TCF4: variants seen among roughly 807,000 people sequenced by gnomAD.
TCF4 encodes transcription factor 4.
Under a neutral mutation model 82.1 loss-of-function variants are expected in TCF4, and 3 were observed. The observed-to-expected ratio is 0.04, with a 90% CI of 0.02 to 0.09. TCF4 has a LOEUF of 0.09. TCF4 is among the 10% of genes least tolerant of loss of function. TCF4 has a pLI of 1.00. For missense variants in TCF4, 518 were observed against 852.7 expected (o/e 0.61, Z 4.89); for synonymous variants, 276 against 309.6 (o/e 0.89, Z 1.14).
chr18:55,623,069 C>G (rs978278839), intron 2 of TCF4, among the ~76,000 whole-genome samples: 2 of 152,108 alleles, frequency 1.3e-5, no homozygotes, highest in Non-Finnish European at 2.9e-5. Context: ...ATTTAAGTGA[C>G]TTGTCTTAGT....
At chr18:55,307,238 G>A (rs995815499) in intron 8 of TCF4, among the ~76,000 whole-genome samples, 3 of 152,214 alleles carry the variant, frequency 2.0e-5, no homozygotes, top group Non-Finnish European at 1.5e-5. Context: ...AAACTTGGGT[G>A]TTTATGACTG....
intron 2 of TCF4, among the ~76,000 whole-genome samples, chr18:55,610,071 G>A (rs997190658): frequency 1.3e-5 from 2 of 151,840 alleles, no homozygotes; most frequent in African/African-American, 4.8e-5. Flanking sequence ...ACCTAGACCT[G>A]TGCCTAGCCT....
intron 8 of TCF4, chr18:55,322,348 C>T: frequency 2.0e-6 from 2 of 1,001,032 alleles, no homozygotes; most frequent in Non-Finnish European, 2.4e-6. Flanking sequence ...TCTGTCTCTG[C>T]TGCTGGCTAG....
chr18:55,408,543 T>C (rs926007225), intron 5 of TCF4, among the ~76,000 whole-genome samples: 9 of 152,228 alleles, frequency 5.9e-5, no homozygotes, highest in African/African-American at 2.2e-4. Flanking sequence ...ATCGTTTCCA[T>C]GCCTGCCTTT....
At chr18:55,452,533 C>A (rs574519177) in intron 5 of TCF4, 2 of 152,582 alleles carry the variant, frequency 1.3e-5, no homozygotes, top group Admixed American at 6.5e-5. Context: ...ATGGGTGCAG[C>A]AGGAGACACT....
At chr18:55,254,353 T>G (rs1325622092) in intron 15 of TCF4, 144 bp downstream of exon 15, 1 of 767,240 alleles carries the variant, frequency 1.3e-6, no homozygotes, top group Non-Finnish European at 2.2e-6. Context: ...ACACTTGAAT[T>G]GTACACCTGA....
At chr18:55,316,145 C>A (rs1480840203) in intron 8 of TCF4, among the ~76,000 whole-genome samples, 4 of 151,944 alleles carry the variant, frequency 2.6e-5, no homozygotes, top group African/African-American at 9.7e-5. Context: ...GGAAAAAAGG[C>A]CCAGTAATCT....
At chr18:55,520,036 C>T (rs906429510) in intron 3 of TCF4, among the ~76,000 whole-genome samples, 7 of 152,122 alleles carry the variant, frequency 4.6e-5, no homozygotes, top group African/African-American at 1.7e-4. Flanking sequence ...ACCCAGTACA[C>T]AAATACACTC....
chr18:55,401,109 A>T, intron 6 of TCF4: 1 of 1,289,014 alleles, frequency 7.8e-7, no homozygotes, highest in South Asian at 1.2e-5. Context: ...GATGTTGTAG[A>T]CAGGGATTCA....
intron 16 of TCF4, chr18:55,234,333 G>T: frequency 1.5e-6 from 1 of 651,528 alleles, no homozygotes; most frequent in Non-Finnish European, 2.6e-6. Flanking sequence ...ATAGGACCAG[G>T]ATTTCAGAGG....
intron 8 of TCF4, among the ~76,000 whole-genome samples, chr18:55,348,776 T>C (rs1265356923): frequency 1.3e-5 from 2 of 152,174 alleles, no homozygotes; most frequent in Non-Finnish European, 2.9e-5. Context: ...ACAAGTTAAT[T>C]TGAATATGAA....
intron 6 of TCF4, among the ~76,000 whole-genome samples, chr18:55,365,230 T>C (rs1381994891): frequency 1.5e-5 from 2 of 136,698 alleles, no homozygotes; most frequent in African/African-American, 2.9e-5. Flanking sequence ...TGTGTGTGTG[T>C]GTGTATATAT....
At chr18:55,393,003 C>G (rs942444213) in intron 6 of TCF4, among the ~76,000 whole-genome samples, 1 of 152,130 alleles carries the variant, frequency 6.6e-6, no homozygotes, top group Non-Finnish European at 1.5e-5. Context: ...AAATATTTTA[C>G]TCTTATTCCT....
chr18:55,409,273 G>A (rs539429181), intron 5 of TCF4, among the ~76,000 whole-genome samples: 1 of 152,140 alleles, frequency 6.6e-6, no homozygotes, highest in South Asian at 2.1e-4. Flanking sequence ...AAGAATCTAC[G>A]AACTGTTACA....
At chr18:55,588,931 G>GT (rs910947347), upstream of TCF4, among the ~76,000 whole-genome samples, 2 of 151,898 alleles carry the variant, frequency 1.3e-5, no homozygotes, top group African/African-American at 4.8e-5. Flanking sequence ...CGCCAGCACT[G>GT]TAAGTTTTTA....
intron 8 of TCF4, among the ~76,000 whole-genome samples, chr18:55,291,060 ATCTG>A (rs1349740749): frequency 6.6e-6 from 1 of 152,188 alleles, no homozygotes; most frequent in African/African-American, 2.4e-5. Context: ...GAGATGGATT[ATCTG>A]TCTAAGTGGT....
chr18:55,268,600 C>G (rs1167373298), intron 11 of TCF4: 1 of 152,098 alleles, frequency 6.6e-6, no homozygotes, highest in East Asian at 1.9e-4. Context: ...TAGCTCATCT[C>G]AAGTGTGAGA....
At chr18:55,560,674 C>T (rs1203900819) in intron 3 of TCF4, among the ~76,000 whole-genome samples, 3 of 152,178 alleles carry the variant, frequency 2.0e-5, no homozygotes, top group African/African-American at 4.8e-5. Flanking sequence ...AACAGTATGG[C>T]ACAATCTCAT....
chr18:55,533,619 G>GT (rs770434586), intron 3 of TCF4, among the ~76,000 whole-genome samples: 23 of 152,254 alleles, frequency 1.5e-4, no homozygotes, highest in Non-Finnish European at 2.6e-4. Context: ...CTTTCTTGAC[G>GT]TTTTTCACAA....
Sources: gnomAD v4.1 joint callset for allele counts (sites outside exome capture counted in the v4.1 genomes callset) on GRCh38, gnomAD v4.1.1 for gene constraint, MANE v1.5 for transcripts, NCBI Gene and HGNC (gene_info 2026-07-23, HGNC 2026-07-21) for gene names.